Variants in PALLD observed in about 807,000 individuals in gnomAD.
PALLD encodes palladin, cytoskeletal associated protein.
A neutral mutation model predicts 123.5 loss-of-function variants in PALLD; 61 were observed. The observed-to-expected ratio is 0.49, with a 90% CI of 0.40 to 0.61. The LOEUF (loss-of-function observed/expected upper bound fraction) is 0.61, where lower values mean the gene tolerates loss of function less well. Ranked by LOEUF, PALLD falls within the 20% of genes least tolerant of loss-of-function variation. The pLI, the probability that PALLD is intolerant of heterozygous loss-of-function variation, is 0.00. For missense variants in PALLD, 1,273 were observed against 1,377.0 expected, an observed-to-expected ratio of 0.92 and a Z score of 1.20; for synonymous variants, 465 against 496.4, an observed-to-expected ratio of 0.94 and a Z score of 0.84.
rs147928537 is a variant in PALLD at position 168,735,656 on chromosome 4, C to T, written c.1964+23733C>T. 3.2e-3 allele frequency among the ~76,000 whole-genome samples: 494 copies of T among 152,266 alleles called. 3 individuals are homozygous for T. The highest frequency in any genetic ancestry group is 0.011 in the African/African-American group (464 of 41,556). ...CTTCCATTAGATACTGTTGTTTCTG[C>T]GTGCTTCTAGTATACATAGTCAACA... On this transcript the variant is annotated intron_variant, in intron 10 of 21. Transcript: ENST00000505667.
At chr4:168,680,383 A>G (rs1381529934) in intron 3 of PALLD, among the ~76,000 whole-genome samples, 1 of 149,382 alleles carries the variant, frequency 6.7e-6, no homozygotes, top group Non-Finnish European at 1.5e-5. Context: ...AGCCACTCAG[A>G]AGGCAGGAGA....
intron 12 of PALLD, among the ~76,000 whole-genome samples, chr4:168,895,147 G>C (rs1754832609): frequency 2.0e-5 from 3 of 152,180 alleles, no homozygotes; most frequent in Non-Finnish European, 2.9e-5. Flanking sequence ...ACTTTGGGAG[G>C]CTGAGGTGGG....
At chr4:168,556,268 T>C (rs937318938) in intron 2 of PALLD, among the ~76,000 whole-genome samples, 1 of 152,082 alleles carries the variant, frequency 6.6e-6, no homozygotes, top group African/African-American at 2.4e-5. Context: ...GCTAATTTTT[T>C]GTATTTTTAG....
At chr4:168,708,356 G>C (rs1432078361) in intron 8 of PALLD, among the ~76,000 whole-genome samples, 5 of 152,104 alleles carry the variant, frequency 3.3e-5, no homozygotes. Flanking sequence ...AACTCTGTGA[G>C]GTAGCTTCTA....
At chr4:168,611,235 A>T (rs1478360759) in intron 2 of PALLD, among the ~76,000 whole-genome samples, 2 of 152,226 alleles carry the variant, frequency 1.3e-5, no homozygotes, top group African/African-American at 4.8e-5. Flanking sequence ...GACAGCTGCC[A>T]CAACTGCTCC....
intron 10 of PALLD, among the ~76,000 whole-genome samples, chr4:168,803,180 T>C (rs1214811094): frequency 1.3e-5 from 2 of 152,132 alleles, no homozygotes; most frequent in African/African-American, 4.8e-5. Context: ...TTCCACAGGC[T>C]GTACAGGAAG....
rs1762307948 is a variant in PALLD, at chr4:168,509,250, T to C, written c.-82-2173T>C. 1.3e-5 allele frequency among the ~76,000 whole-genome samples: 2 copies of C among 152,244 alleles called. 1 individual carries two copies. Among genetic ancestry groups the C allele is most frequent in the South Asian group, 4.1e-4 (2 of 4,832 alleles). Reference sequence around the variant, plus strand: ...CCAAACATTGTATTTTATTGCTCTATAGATATTAACCAGTTTCAAATCTAT... The same window carrying C: ...CCAAACATTGTATTTTATTGCTCTACAGATATTAACCAGTTTCAAATCTAT... On this transcript the variant is annotated intron_variant, in intron 1 of 21. Transcript: ENST00000505667.
intron 10 of PALLD, among the ~76,000 whole-genome samples, chr4:168,727,829 G>A (rs1021982157): frequency 2.0e-5 from 3 of 152,078 alleles, no homozygotes; most frequent in Non-Finnish European, 4.4e-5. Context: ...TTCTAGGATT[G>A]TTATAGTTTG....
intron 4 of PALLD, among the ~76,000 whole-genome samples, chr4:168,681,859 A>C (rs1053241525): frequency 3.3e-5 from 5 of 152,138 alleles, no homozygotes; most frequent in Non-Finnish European, 7.4e-5. Flanking sequence ...GCCCGAACAC[A>C]ATTTTTAACT....
intron 8 of PALLD, among the ~76,000 whole-genome samples, chr4:168,706,879 T>C (rs1182706402): frequency 6.6e-6 from 1 of 152,194 alleles, no homozygotes; most frequent in African/African-American, 2.4e-5. Context: ...CAACAAACTC[T>C]GCATTTGCCT....
intron 2 of PALLD, among the ~76,000 whole-genome samples, chr4:168,572,976 C>A (rs983494042): frequency 6.7e-6 from 1 of 150,150 alleles, no homozygotes; most frequent in African/African-American, 2.4e-5. Context: ...AGAACAAAAT[C>A]TTCTGTTCTT....
At position 168,683,939 on chromosome 4, in the gene PALLD, C is replaced by T. The variant is rs1393847666; in HGVS notation, c.1260+836C>T. Among the ~76,000 whole-genome samples the T allele has an allele frequency of 3.9e-5, 6 of 152,120 alleles. No homozygotes were observed. In the East Asian group the frequency reaches 1.2e-3, roughly 29 times the overall value. ...GAAAATACAAACAGTAGAGAGAAGA[C>T]ATTTGGGTCCATAAACTTGAATCAA... On this transcript the variant is annotated intron_variant, in intron 5 of 21. Transcript: ENST00000505667.
intron 3 of PALLD, among the ~76,000 whole-genome samples, chr4:168,668,700 T>G (rs543718893): frequency 1.3e-5 from 2 of 152,306 alleles, no homozygotes; most frequent in East Asian, 3.9e-4. Flanking sequence ...TCAAGCAAAG[T>G]TAAACGATAA....
chr4:168,694,911 T>G (rs1213371799), intron 8 of PALLD, among the ~76,000 whole-genome samples: 1 of 152,194 alleles, frequency 6.6e-6, no homozygotes, highest in Non-Finnish European at 1.5e-5. Context: ...TTTGTACTGA[T>G]AGACTCCTTC....
At chr4:168,651,777 G>A (rs1474067552) in intron 2 of PALLD, among the ~76,000 whole-genome samples, 1 of 152,130 alleles carries the variant, frequency 6.6e-6, no homozygotes, top group Non-Finnish European at 1.5e-5. Flanking sequence ...TGAGAGTAAA[G>A]AAGAAAAATG....
At chr4:168,647,780 C>CAAAAAAAAAA (rs34790739) in intron 2 of PALLD, 1 of 79,138 alleles carries the variant, frequency 1.3e-5, no homozygotes, top group Non-Finnish European at 2.4e-5. Flanking sequence ...GACTCTGTCT[C>CAAAAAAAAAA]AAAAAAAAAA....
At chr4:168,641,652 C>T (rs942098381) in intron 2 of PALLD, among the ~76,000 whole-genome samples, 8 of 152,308 alleles carry the variant, frequency 5.3e-5, no homozygotes, top group East Asian at 1.9e-4. Flanking sequence ...CTGATTTTGT[C>T]GGCCTCGGCT....
intron 10 of PALLD, among the ~76,000 whole-genome samples, chr4:168,883,088 CA>C (rs34847342): frequency 0.58 from 72,332 of 124,532 alleles, 20,478 homozygotes; most frequent in East Asian, 0.85. Context: ...AACTCTGTCT[CA>C]AAAAAAAAAA....
chr4:168,709,126 G>T lies in PALLD; in HGVS notation c.1600G>T (p.Ala534Ser). ...TGATTATGGATCAGCAACCAGCACT[G>T]CCCAGCTGGTTGTCACCTCAGGTAT... ...RNDYGSATST[A>S]QLVVTSANTE... Residue 534 changes from alanine (A) to serine (S), a missense_variant, in exon 9 of 22, where the codon GCC becomes TCC. Around this residue, in one of 2 missense-constraint regions of PALLD, gnomAD observed 944 missense variants for 954.5 expected, o/e 0.99. Transcript: ENST00000505667. 2 of 1,613,844 alleles carry T rather than the reference G, an allele frequency of 1.2e-6. No individual in the cohort carries two copies. Among genetic ancestry groups the T allele is most frequent in the Non-Finnish European group, 1.7e-6 (2 of 1,179,912 alleles).
Sources: gnomAD v4.1 joint callset for allele counts (sites outside exome capture counted in the v4.1 genomes callset) on GRCh38, gnomAD v4.1.1 for gene constraint, gnomAD v4.1.1 regional missense constraint, MANE v1.5 for transcripts, NCBI Gene and HGNC (gene_info 2026-07-23, HGNC 2026-07-21) for gene names.